The following HS6ST3 variants were observed in gnomAD, a reference collection of about 807,000 sequenced individuals.
HS6ST3 encodes heparan-sulfate 6-O-sulfotransferase 3.
In HS6ST3, 12 loss-of-function variants were observed where a neutral mutation model predicts 36.7. The observed-to-expected ratio is 0.33, with a 90% confidence interval of 0.21 to 0.53. The LOEUF (loss-of-function observed/expected upper bound fraction) is 0.53. Among genes scored for constraint, HS6ST3 ranks in the 20% least tolerant of loss-of-function variants. HS6ST3 has a pLI of 0.95. For synonymous variants in HS6ST3, 240 were observed against 257.5 expected (o/e 0.93, Z 0.65); for missense variants, 584 against 640.9 (o/e 0.91, Z 0.96).
intron 1 of HS6ST3, among the ~76,000 whole-genome samples, chr13:96,117,524 G>C (rs1452501993): frequency 6.6e-6 from 1 of 152,104 alleles, no homozygotes; most frequent in Admixed American, 6.6e-5. Context: ...ATCAGAAAGA[G>C]ATAAGATTGA....
chr13:96,100,337 C>T (rs2053812012), intron 1 of HS6ST3, among the ~76,000 whole-genome samples: 1 of 151,964 alleles, frequency 6.6e-6, no homozygotes, highest in African/African-American at 2.4e-5. Flanking sequence ...GTATTGGTAG[C>T]TTTACAGTTC....
chr13:96,509,654 G>T (rs375973044), intron 1 of HS6ST3, among the ~76,000 whole-genome samples: 1 of 152,106 alleles, frequency 6.6e-6, no homozygotes, highest in African/African-American at 2.4e-5. Context: ...AGTTGGCTGT[G>T]TGTATTTGGC....
chr13:96,317,634 C>T (rs966871569), intron 1 of HS6ST3, among the ~76,000 whole-genome samples: 1 of 151,106 alleles, frequency 6.6e-6, no homozygotes, highest in African/African-American at 2.4e-5. Flanking sequence ...GAGAAATCTC[C>T]AAACTGCTTT....
intron 1 of HS6ST3, among the ~76,000 whole-genome samples, chr13:96,637,364 A>G (rs1424241278): frequency 6.6e-6 from 1 of 152,142 alleles, no homozygotes; most frequent in Non-Finnish European, 1.5e-5. Context: ...TGCTATCAGG[A>G]TGTTAGAGTT....
intron 1 of HS6ST3, among the ~76,000 whole-genome samples, chr13:96,261,649 T>C (rs1370695291): frequency 6.6e-6 from 1 of 152,194 alleles, no homozygotes; most frequent in Non-Finnish European, 1.5e-5. Context: ...TCAATCTGTT[T>C]AGGCCTACCT....
intron 1 of HS6ST3, among the ~76,000 whole-genome samples, chr13:96,513,618 G>C (rs1304130926): frequency 6.6e-6 from 1 of 151,894 alleles, no homozygotes; most frequent in Admixed American, 6.6e-5. Flanking sequence ...TTGAACTCTT[G>C]TATCTTTTCT....
chr13:96,822,066 G>A (rs1878546282), intron 1 of HS6ST3, among the ~76,000 whole-genome samples: 1 of 152,210 alleles, frequency 6.6e-6, no homozygotes. Flanking sequence ...AGCAGTGCCT[G>A]AGAAATTAGC....
intron 1 of HS6ST3, among the ~76,000 whole-genome samples, chr13:96,536,958 A>G (rs1161120860): frequency 6.6e-6 from 1 of 152,166 alleles, no homozygotes; most frequent in Admixed American, 6.6e-5. Flanking sequence ...TTAAACATTT[A>G]TCAGGCACCT....
rs139799613 is a variant in HS6ST3, at chr13:96,574,182, G to A, written c.708-258308G>A. On this transcript the variant is annotated intron_variant, in intron 1 of 1. Transcript: ENST00000376705. Reference sequence around the variant, plus strand: ...TCTCCTCCAATCTGAGAGGGGCTGCGTAAGCTTTTCTGCTCTGTCTCCCTC... The same window carrying A: ...TCTCCTCCAATCTGAGAGGGGCTGCATAAGCTTTTCTGCTCTGTCTCCCTC... The A allele has an allele frequency of 7.0e-4, 367 of 521,146 alleles. 5 individuals carry two copies. In the East Asian group the frequency reaches 0.016, roughly 22 times the overall value. The allele number at this position is 521,146 out of a possible 1,614,324, so 32.3% of individuals were successfully genotyped here.
chr13:96,715,710 G>A (rs1480084584), intron 1 of HS6ST3, among the ~76,000 whole-genome samples: 1 of 152,050 alleles, frequency 6.6e-6, no homozygotes, highest in Non-Finnish European at 1.5e-5. Context: ...GATAATGAAA[G>A]TTGTTAATTG....
At chr13:96,459,211 C>T (rs561055294) in intron 1 of HS6ST3, among the ~76,000 whole-genome samples, 19 of 150,484 alleles carry the variant, frequency 1.3e-4, no homozygotes, top group African/African-American at 4.4e-4. Flanking sequence ...TAGGTACTTC[C>T]TGAGGATATA....
chr13:96,513,034 A>G (rs958080432), intron 1 of HS6ST3, among the ~76,000 whole-genome samples: 3 of 152,004 alleles, frequency 2.0e-5, no homozygotes, highest in South Asian at 2.1e-4. Context: ...CACCAATTGG[A>G]TGATTCTAAA....
chr13:96,304,142 C>A (rs1192999983), intron 1 of HS6ST3, among the ~76,000 whole-genome samples: 203 of 135,684 alleles, frequency 1.5e-3, no homozygotes, highest in African/African-American at 1.6e-3. Context: ...GACTCCATCT[C>A]AAAAAAAAAA....
intron 1 of HS6ST3, among the ~76,000 whole-genome samples, chr13:96,550,651 G>GT (rs146390953): frequency 0.069 from 10,268 of 148,312 alleles, 373 homozygotes; most frequent in Middle Eastern, 0.097. Context: ...AATATTTTAT[G>GT]TTTTTTTTTT....
chr13:96,390,811 C>G (rs975884710), intron 1 of HS6ST3, among the ~76,000 whole-genome samples: 2 of 152,144 alleles, frequency 1.3e-5, no homozygotes, highest in Non-Finnish European at 2.9e-5. Flanking sequence ...GCTGCAGCCT[C>G]TTAATTGACC....
chr13:96,120,991 C>T (rs1281704943), intron 1 of HS6ST3, among the ~76,000 whole-genome samples: 10 of 152,150 alleles, frequency 6.6e-5, no homozygotes. Context: ...AGGGCCTGGC[C>T]TGGGCTGGAT....
Position 96,663,017 on chromosome 13 carries a change from A to G in HS6ST3, c.708-169473A>G, listed in dbSNP as rs182107682. 2.0e-5 allele frequency among the ~76,000 whole-genome samples: 3 copies of G among 152,186 alleles called. No individual in the cohort carries two copies. In the East Asian group the frequency reaches 5.8e-4, roughly 29 times the overall value. ...TGGTCTGTGGGATGCCTGCTGCCCT[A>G]AGTTCCCTGTTTAGCTGGGAGAGGG... On this transcript the variant is annotated intron_variant, in intron 1 of 1. Transcript: ENST00000376705.
chr13:96,592,152 T>G (rs150027119), intron 1 of HS6ST3, among the ~76,000 whole-genome samples: 1 of 152,156 alleles, frequency 6.6e-6, no homozygotes, highest in Non-Finnish European at 1.5e-5. Flanking sequence ...TAATGGCCTA[T>G]AGTTTTCTTT....
chr13:96,549,057 C>T (rs748973742), intron 1 of HS6ST3, among the ~76,000 whole-genome samples: 3 of 152,210 alleles, frequency 2.0e-5, no homozygotes, highest in Non-Finnish European at 2.9e-5. Context: ...CTGAACCTCT[C>T]GGGCCTTCAG....
Sources: gnomAD v4.1 joint callset for allele counts (sites outside exome capture counted in the v4.1 genomes callset) on GRCh38, gnomAD v4.1.1 for gene constraint, MANE v1.5 for transcripts, NCBI Gene and HGNC (gene_info 2026-07-23, HGNC 2026-07-21) for gene names.